The following EYA3 variants were observed in gnomAD, a reference collection of about 807,000 sequenced individuals.
The protein encoded by EYA3 is EYA transcriptional coactivator and phosphatase 3.
Under a neutral mutation model 80.0 loss-of-function variants are expected in EYA3, and 39 were observed. The observed-to-expected ratio is 0.49, with a 90% CI of 0.38 to 0.64. EYA3 has a LOEUF of 0.64. EYA3 is among the 30% of genes least tolerant of loss of function. The probability of loss-of-function intolerance (pLI) is 0.00; values close to 1 mark genes in which losing one functional copy is unlikely to be tolerated. For synonymous variants in EYA3, 206 were observed against 232.8 expected (o/e 0.88, Z 1.05); for missense variants, 523 against 676.1 (o/e 0.77, Z 2.51).
At chr1:28,020,223 A>G (rs1198476525) in intron 7 of EYA3, among the ~76,000 whole-genome samples, 1 of 152,190 alleles carries the variant, frequency 6.6e-6, no homozygotes, top group Admixed American at 6.5e-5. Flanking sequence ...TAGCTAGTTG[A>G]TAACTCTGAG....
intron 11 of EYA3, among the ~76,000 whole-genome samples, chr1:28,001,047 AGAGT>A (rs1333004209): frequency 1.3e-5 from 2 of 152,122 alleles, no homozygotes; most frequent in East Asian, 1.9e-4. Flanking sequence ...CCTGCGTGAC[AGAGT>A]GAGACTCTGT....
At chr1:28,021,612 T>C (rs112429296) in intron 7 of EYA3, among the ~76,000 whole-genome samples, 6,299 of 144,322 alleles carry the variant, frequency 0.044, 144 homozygotes, top group African/African-American at 0.06. Context: ...CATTCTTCTT[T>C]TTTTTTTTTT....
At chr1:28,008,715 G>A (rs1277679272) in intron 10 of EYA3, among the ~76,000 whole-genome samples, 1 of 151,960 alleles carries the variant, frequency 6.6e-6, no homozygotes, top group Non-Finnish European at 1.5e-5. Flanking sequence ...AGGCTGAGGT[G>A]GGTGGATCAC....
rs540409714 is a variant in EYA3 at position 28,075,882 on chromosome 1, GCCA to G, written c.-69+12639_-69+12641del. On this transcript the variant is annotated intron_variant, in intron 1 of 17. Coordinates refer to ENST00000373871, the MANE Select transcript of EYA3 (RefSeq NM_001990.4). ...TCCATTAAAGTCTCATCAGCTGAAA[GCCA>G]CCTTTCTTGATTTAATACCTTTAAA... Among the ~76,000 whole-genome samples the G allele has an allele frequency of 2.8e-4, 43 of 152,236 alleles. 2 individuals are homozygous for G. The East Asian group carries it at 8.1e-3, about 29-fold the overall frequency.
chr1:28,037,952 C>G (rs1172307725), intron 5 of EYA3, among the ~76,000 whole-genome samples: 1 of 152,216 alleles, frequency 6.6e-6, no homozygotes, highest in African/African-American at 2.4e-5. Context: ...ATGCATAGGT[C>G]CACTCTTTAT....
rs888781617 is a variant in EYA3 at position 27,997,170 on chromosome 1, C to T, written c.1142+150G>A. On this transcript the variant is annotated intron_variant, in intron 13 of 17. Coordinates refer to ENST00000373871, the MANE Select transcript of EYA3 (RefSeq NM_001990.4). ...TGTCACCTTCTCACACTATACATCA[C>T]GGTTAACTATGTTTGTTTCTATGTC... 3.0e-5 allele frequency: 21 copies of T among 708,146 alleles called. No homozygotes were observed. The African/African-American group carries it at 3.2e-4, about 11-fold the overall frequency. 43.9% of individuals were successfully genotyped at this position (708,146 alleles called of 1,614,324 possible).
chr1:28,042,959 C>T (rs1347816789), intron 3 of EYA3, among the ~76,000 whole-genome samples: 1 of 152,138 alleles, frequency 6.6e-6, no homozygotes, highest in African/African-American at 2.4e-5. Context: ...ATTCTCCTGC[C>T]TCAGCCTCCT....
rs185716108 is a variant in EYA3, at chr1:28,023,873, A to G, written c.499+3916T>C. On this transcript the variant is annotated intron_variant, in intron 7 of 17. Coordinates refer to ENST00000373871, the MANE Select transcript of EYA3 (RefSeq NM_001990.4). ...AGATGTTAATAATGGGAAACTGTGC[A>G]GGAGGAGGGATATATGGGAACTCTC... Among the ~76,000 whole-genome samples, 979 of 152,348 alleles carry G rather than the reference A, an allele frequency of 6.4e-3. 9 individuals carry two copies. Among genetic ancestry groups the G allele is most frequent in the Non-Finnish European group, 8.1e-3 (553 of 68,026 alleles).
intron 1 of EYA3, among the ~76,000 whole-genome samples, chr1:28,064,653 T>G (rs911500564): frequency 2.6e-5 from 4 of 151,842 alleles, no homozygotes; most frequent in Non-Finnish European, 4.4e-5. Context: ...TTAGTTTTTA[T>G]TTTTTTTATT....
rs573858675 is a variant in EYA3 at position 28,038,513 on chromosome 1, T to C, written c.224+326A>G. On this transcript the variant is annotated intron_variant, in intron 5 of 17. Transcript: ENST00000373871. ...ATTCAGTCTTGTTTTTATTAATCTG[T>C]ATGCTATATGTCAAGGTACAGGACA... is the stretch of plus-strand genomic sequence containing the variant. Among the ~76,000 whole-genome samples, 21 of 151,118 alleles carry C rather than the reference T, an allele frequency of 1.4e-4. No individual in the cohort carries two copies. In the East Asian group the frequency reaches 3.7e-3, roughly 27 times the overall value.
At chr1:28,025,460 A>C (rs1286570231) in intron 7 of EYA3, among the ~76,000 whole-genome samples, 2 of 152,200 alleles carry the variant, frequency 1.3e-5, no homozygotes, top group Non-Finnish European at 2.9e-5. Flanking sequence ...GTCCTGCCTT[A>C]ATTATTTGCT....
intron 8 of EYA3, among the ~76,000 whole-genome samples, chr1:28,016,525 T>A (rs1571808311): frequency 1.7e-5 from 2 of 120,922 alleles, no homozygotes; most frequent in Non-Finnish European, 1.7e-5. Context: ...TGAGTGAGAC[T>A]CCATCTTAAA....
At position 27,971,469 on chromosome 1, in the gene EYA3, C is replaced by T. The variant is rs139919381; in HGVS notation, c.*2997G>A. On this transcript the variant is annotated 3_prime_UTR_variant, in exon 18 of 18. Coordinates refer to ENST00000373871, the MANE Select transcript of EYA3 (RefSeq NM_001990.4). ...ATTAGCCAGGCGTGGTGGTGGGCGC[C>T]TGTAATCTCAGCTAATCAGGAGGCT... is the stretch of plus-strand genomic sequence containing the variant. The T allele has an allele frequency of 0.022, 3,314 of 152,376 alleles. 99 individuals carry two copies. Among genetic ancestry groups the T allele is most frequent in the African/African-American group, 0.067 (2,787 of 41,474 alleles). The allele number at this position is 152,376 out of a possible 1,614,324, so 9.4% of individuals were successfully genotyped here.
intron 12 of EYA3, among the ~76,000 whole-genome samples, chr1:27,999,713 C>T (rs554499517): frequency 9.0e-4 from 137 of 152,190 alleles, no homozygotes; most frequent in Admixed American, 8.2e-3. Context: ...AGTGCTAGAT[C>T]ACCTCCAAAT....
rs538987260 is a variant in EYA3, at chr1:28,045,272, A to G, written c.78-2622T>C. Among the ~76,000 whole-genome samples the G allele has an allele frequency of 3.3e-5, 5 of 152,286 alleles. No homozygotes were observed. The South Asian group carries it at 6.2e-4, about 19-fold the overall frequency. The stretch of plus-strand genomic sequence containing the variant: ...ATGGAATAGTTGTGTCAGTTTCCCA[A>G]ACTGGGTGATTTATTATAATTACCT... On this transcript the variant is annotated intron_variant, in intron 3 of 17. Transcript: ENST00000373871.
chr1:28,067,005 CA>C (rs954876826), intron 1 of EYA3, among the ~76,000 whole-genome samples: 48 of 151,600 alleles, frequency 3.2e-4, no homozygotes, highest in Admixed American at 4.6e-4. Context: ...ATTAAGCTAC[CA>C]AAAAAAATCT....
intron 6 of EYA3, among the ~76,000 whole-genome samples, chr1:28,029,542 G>A (rs750909453): frequency 1.1e-4 from 16 of 150,978 alleles, no homozygotes; most frequent in Non-Finnish European, 2.2e-4. Context: ...TAAGTGCATG[G>A]TTTTGGTGAT....
chr1:28,060,197 G>A (rs1644571400), intron 1 of EYA3, among the ~76,000 whole-genome samples: 1 of 152,194 alleles, frequency 6.6e-6, no homozygotes, highest in South Asian at 2.1e-4. Flanking sequence ...TAGGAGGAAG[G>A]TAAGAATAAT....
At chr1:28,063,447 C>G (rs749456908) in intron 1 of EYA3, among the ~76,000 whole-genome samples, 1 of 149,068 alleles carries the variant, frequency 6.7e-6, no homozygotes, top group Non-Finnish European at 1.5e-5. Flanking sequence ...ACTTCCACCT[C>G]CCCAGTTTAA....
Sources: allele counts gnomAD v4.1 joint callset (sites outside exome capture counted in the v4.1 genomes callset), GRCh38; gene constraint gnomAD v4.1.1; transcripts MANE v1.5; gene names NCBI Gene and HGNC (gene_info 2026-07-23, HGNC 2026-07-21).